The following CTNNA3 variants were observed in gnomAD, a reference collection of about 807,000 sequenced individuals.
CTNNA3 encodes the protein catenin alpha 3, also known as catenin alpha-3.
Under a neutral mutation model 95.7 loss-of-function variants are expected in CTNNA3, and 76 were observed. The observed-to-expected ratio is 0.79, with a 90% CI of 0.66 to 0.96. The LOEUF is 0.96. Among genes scored for constraint, CTNNA3 ranks in the 40% least tolerant of loss-of-function variants. The probability of loss-of-function intolerance (pLI) is 0.00; values close to 1 mark genes in which losing one functional copy is unlikely to be tolerated. For missense variants in CTNNA3, 1,191 were observed against 1,089.8 expected, an observed-to-expected ratio of 1.09 and a Z score of -1.31; for synonymous variants, 431 against 374.4, an observed-to-expected ratio of 1.15 and a Z score of -1.74.
intron 1 of CTNNA3, among the ~76,000 whole-genome samples, chr10:67,740,702 C>G (rs1252109486): frequency 6.6e-6 from 1 of 151,314 alleles, no homozygotes; most frequent in Non-Finnish European, 1.5e-5. Context: ...CACTTTTACA[C>G]TGTTGGTGGG....
chr10:66,470,481 C>T (rs969320699), intron 11 of CTNNA3, among the ~76,000 whole-genome samples: 5 of 151,778 alleles, frequency 3.3e-5, no homozygotes, highest in South Asian at 2.1e-4. Flanking sequence ...GGCCACCTGG[C>T]TCTAGACATG....
intron 5 of CTNNA3, among the ~76,000 whole-genome samples, chr10:67,377,190 C>T (rs773499480): frequency 6.6e-6 from 1 of 152,148 alleles, no homozygotes; most frequent in Non-Finnish European, 1.5e-5. Context: ...GTAATATATT[C>T]AGATTTTCAA....
intron 5 of CTNNA3, among the ~76,000 whole-genome samples, chr10:67,231,122 C>T (rs12247877): frequency 0.02 from 3,013 of 152,184 alleles, 103 homozygotes; most frequent in African/African-American, 0.066. Context: ...TTGCCCAGGC[C>T]TGCTTAGGTA....
intron 9 of CTNNA3, among the ~76,000 whole-genome samples, chr10:66,680,740 G>T (rs1847038019): frequency 6.6e-6 from 1 of 152,194 alleles, no homozygotes; most frequent in Admixed American, 6.5e-5. Context: ...ATTCAGACAA[G>T]ATGGGAGACA....
intron 13 of CTNNA3, among the ~76,000 whole-genome samples, chr10:66,256,376 T>TATTA (rs1025425020): frequency 1.3e-5 from 2 of 152,152 alleles, no homozygotes; most frequent in African/African-American, 4.8e-5. Context: ...TTTCCTACTT[T>TATTA]ATTAAATGCA....
chr10:66,102,151 A>G (rs1384222946), intron 14 of CTNNA3, among the ~76,000 whole-genome samples: 2 of 152,148 alleles, frequency 1.3e-5, no homozygotes, highest in African/African-American at 4.8e-5. Context: ...AGAGGCCAGA[A>G]AACAGAGGGA....
At chr10:67,327,700 C>CCATT (rs1554823328) in intron 5 of CTNNA3, among the ~76,000 whole-genome samples, 2 of 152,164 alleles carry the variant, frequency 1.3e-5, no homozygotes, top group Non-Finnish European at 2.9e-5. Context: ...ACAGTGGGAC[C>CCATT]CATTCTTGCT....
intron 15 of CTNNA3, among the ~76,000 whole-genome samples, chr10:66,063,209 T>TAG (rs996203860): frequency 8.5e-4 from 104 of 121,732 alleles, no homozygotes; most frequent in African/African-American, 3.0e-3. Context: ...TATATATATA[T>TAG]ATATAGATAT....
At chr10:66,288,359 TA>T (rs11390538) in intron 12 of CTNNA3, among the ~76,000 whole-genome samples, 68 of 140,406 alleles carry the variant, frequency 4.8e-4, no homozygotes, top group African/African-American at 1.8e-3. Flanking sequence ...GATTCTACAA[TA>T]AAAAAAATAA....
chr10:66,767,072 C>G (rs577896611), intron 8 of CTNNA3, among the ~76,000 whole-genome samples: 185 of 152,220 alleles, frequency 1.2e-3, no homozygotes, highest in Non-Finnish European at 2.3e-3. Context: ...GGCAATTACT[C>G]TAGTCAGCAG....
At chr10:67,734,462 G>C (rs980961097) in intron 1 of CTNNA3, among the ~76,000 whole-genome samples, 1 of 152,040 alleles carries the variant, frequency 6.6e-6, no homozygotes, top group South Asian at 2.1e-4. Flanking sequence ...ATGATCCTGG[G>C]GAAAGGAATA....
chr10:65,960,740 C>T (rs1048500748), intron 17 of CTNNA3, among the ~76,000 whole-genome samples: 2 of 152,084 alleles, frequency 1.3e-5, no homozygotes, highest in African/African-American at 4.8e-5. Context: ...AATTAATGTT[C>T]ACCTCCCACT....
chr10:67,212,706 A>G (rs1254560421), intron 6 of CTNNA3, among the ~76,000 whole-genome samples: 2 of 151,926 alleles, frequency 1.3e-5, no homozygotes, highest in African/African-American at 4.8e-5. Context: ...AGATTATTAT[A>G]TAGTTTTTCT....
chr10:66,687,525 A>T (rs1038960762), intron 9 of CTNNA3, among the ~76,000 whole-genome samples: 1 of 152,158 alleles, frequency 6.6e-6, no homozygotes. Context: ...TACTAAGTAA[A>T]TCCCTAGAAT....
At chr10:66,597,552 A>ATATATT (rs1246174021) in intron 10 of CTNNA3, among the ~76,000 whole-genome samples, 50 of 130,490 alleles carry the variant, frequency 3.8e-4, no homozygotes, top group African/African-American at 9.8e-4. Flanking sequence ...ATATATATAT[A>ATATATT]TATTTATTAA....
intron 7 of CTNNA3, among the ~76,000 whole-genome samples, chr10:66,825,098 G>C (rs1842452385): frequency 6.6e-6 from 1 of 150,890 alleles, no homozygotes; most frequent in Non-Finnish European, 1.5e-5. Context: ...ACACAGGCCA[G>C]AGTGTGCCCT....
rs188074467 is a variant in CTNNA3, at chr10:67,503,966, G to A, written c.579+17876C>T. Reference sequence around the variant, plus strand: ...AGGTCAGGAGATCAAGACCATCCTGGCTAACATGGTGAAACCCCGTCTCTA... The same window carrying A: ...AGGTCAGGAGATCAAGACCATCCTGACTAACATGGTGAAACCCCGTCTCTA... On this transcript the variant is annotated intron_variant, in intron 5 of 17. Coordinates refer to ENST00000433211, the MANE Select transcript of CTNNA3 (RefSeq NM_013266.4). Among the ~76,000 whole-genome samples, 1,021 of 151,988 alleles carry A rather than the reference G, an allele frequency of 6.7e-3. 2 individuals carry two copies. The highest frequency in any genetic ancestry group is 0.017 in the Middle Eastern group (5 of 292).
chr10:66,654,496 T>C (rs1266563728), intron 9 of CTNNA3, among the ~76,000 whole-genome samples: 1 of 152,092 alleles, frequency 6.6e-6, no homozygotes, highest in Non-Finnish European at 1.5e-5. Context: ...TCTTGTACAC[T>C]CCTGGTGGGA....
Position 66,927,616 on chromosome 10 carries a change from C to T in CTNNA3, c.1048-152092G>A, listed in dbSNP as rs764490237. On this transcript the variant is annotated intron_variant, in intron 7 of 17. Transcript: ENST00000433211. This position sits in a 1 kb window ranked among gnomAD's most constrained non-coding sequence, Gnocchi z 4.7. Reference sequence around the variant, plus strand: ...TCCAAGGTTGGTCAGCCTTCAGAACCTTTACTTGCAGTGGAATAAAATCAG... The same window carrying T: ...TCCAAGGTTGGTCAGCCTTCAGAACTTTTACTTGCAGTGGAATAAAATCAG... 3 of 1,614,154 alleles carry T rather than the reference C, an allele frequency of 1.9e-6. No individual in the cohort carries two copies. Among genetic ancestry groups the T allele is most frequent in the Non-Finnish European group, 2.5e-6 (3 of 1,180,026 alleles).
Sources: allele counts gnomAD v4.1 joint callset (sites outside exome capture counted in the v4.1 genomes callset), GRCh38; gene constraint gnomAD v4.1.1; non-coding constraint Gnocchi (gnomAD v3.1); transcripts MANE v1.5; gene names NCBI Gene and HGNC (gene_info 2026-07-23, HGNC 2026-07-21).